EP400: variants seen among roughly 807,000 people sequenced by gnomAD.
EP400 encodes E1A binding protein p400, also known as E1A-binding protein p400.
In EP400, 105 loss-of-function variants were observed where a neutral mutation model predicts 354.1. The observed-to-expected ratio is 0.30, with a 90% CI of 0.25 to 0.35. The LOEUF is 0.35. Ranked by LOEUF, EP400 falls within the 10% of genes least tolerant of loss-of-function variation. The pLI, the probability that EP400 is intolerant of heterozygous loss-of-function variation, is 1.00. For synonymous variants in EP400, 1,646 were observed against 1,716.9 expected (o/e 0.96, Z 1.02); for missense variants, 3,280 against 4,121.0 (o/e 0.80, Z 5.59).
At chr12:132,041,063 G>A (rs1593367354) in intron 32 of EP400, among the ~76,000 whole-genome samples, 1 of 152,316 alleles carries the variant, frequency 6.6e-6, no homozygotes, top group East Asian at 1.9e-4. Flanking sequence ...GTGTGAGGAG[G>A]ATGGCTGCTC....
rs1893572444 is a variant in EP400 at position 132,006,164 on chromosome 12, C to T, written c.2988C>T (p.Ile996=). 1.6e-5 allele frequency: 26 copies of T among 1,614,200 alleles called. No individual in the cohort carries two copies. The highest frequency in any genetic ancestry group is 2.1e-5 in the Non-Finnish European group (25 of 1,180,038). Residue 996 remains isoleucine (I), a synonymous_variant, in exon 14 of 53, where the codon ATC becomes ATT. Transcript: ENST00000389561. ...AGAGTCGCAAGGACTTGGTTCTCAT[C>T]GACTCGCTTTTCATCATGGATCAGT... is the stretch of plus-strand genomic sequence containing the variant. ...DRESRKDLVL[I]DSLFIMDQFK... is the part of the protein sequence containing the mutation.
intron 29 of EP400, chr12:132,031,154 A>G (rs1323284680): frequency 2.1e-6 from 1 of 466,548 alleles, no homozygotes; most frequent in African/African-American, 2.0e-5. Flanking sequence ...GAAGAAAAGT[A>G]TTCAAGTCAT....
intron 41 of EP400, 34 bp from the exon 42 acceptor site, chr12:132,053,112 C>T (rs369304972): frequency 3.9e-5 from 63 of 1,611,130 alleles, no homozygotes; most frequent in Non-Finnish European, 5.2e-5. Flanking sequence ...TAAAACTTGC[C>T]TGTATGTTTT....
In EP400 at chr12:132,028,204, GTT is replaced by G; in HGVS notation, c.5298_5299del (p.Ser1766ArgfsTer10). 1 of 1,614,214 alleles carries G rather than the reference GTT, an allele frequency of 6.2e-7. No individual in the cohort carries two copies. The highest frequency in any genetic ancestry group is 8.5e-7 in the Non-Finnish European group (1 of 1,180,046). ...GGGAAGGAGGCCGGGCCAGCGCACA[GTT>G]ACACTTCATCCTCAGAAAGTCCAAG... On this transcript the variant is annotated frameshift_variant, in exon 27 of 53. Coordinates refer to ENST00000389561, the MANE Select transcript of EP400 (RefSeq NM_015409.5). LOFTEE classifies it high-confidence loss of function.
chr12:132,065,171 C>A (rs1176171381), intron 48 of EP400: 2 of 548,970 alleles, frequency 3.6e-6, no homozygotes, highest in East Asian at 6.4e-5. Context: ...GCGTGGCTTC[C>A]CTGTGCTGCT....
intron 15 of EP400, among the ~76,000 whole-genome samples, chr12:132,009,311 C>T (rs1025229410): frequency 6.6e-6 from 1 of 152,120 alleles, no homozygotes; most frequent in Non-Finnish European, 1.5e-5. Context: ...AGCGTTCATT[C>T]ATCTGCTCCT....
intron 2 of EP400, among the ~76,000 whole-genome samples, chr12:131,969,234 C>T (rs773017637): frequency 6.6e-6 from 1 of 152,106 alleles, no homozygotes; most frequent in Non-Finnish European, 1.5e-5. Flanking sequence ...TTGTCAAATA[C>T]ATCTATTGAC....
intron 1 of EP400, among the ~76,000 whole-genome samples, chr12:131,951,129 G>A (rs1891471547): frequency 6.7e-6 from 1 of 148,442 alleles, no homozygotes; most frequent in Non-Finnish European, 1.5e-5. Flanking sequence ...TGTTGGTCCG[G>A]CTGGTCTGGA....
At chr12:132,008,396 T>A (rs758206192) in intron 15 of EP400, among the ~76,000 whole-genome samples, 1 of 152,248 alleles carries the variant, frequency 6.6e-6, no homozygotes, top group Admixed American at 6.5e-5. Flanking sequence ...ACTTCTGAGC[T>A]TCATATTTTC....
At chr12:132,023,699 A>G in intron 23 of EP400, 78 bp from the exon 24 acceptor site, 1 of 1,477,110 alleles carries the variant, frequency 6.8e-7, no homozygotes, top group Non-Finnish European at 9.3e-7. Context: ...ATTATATACA[A>G]GAAACGACTG....
intron 6 of EP400, among the ~76,000 whole-genome samples, chr12:131,987,467 G>T (rs1892890494): frequency 6.6e-6 from 1 of 152,116 alleles, no homozygotes; most frequent in Non-Finnish European, 1.5e-5. Context: ...CAGGACTATT[G>T]CTCCAGCTTC....
chr12:132,062,494 C>G lies in EP400; in HGVS notation c.8127C>G (p.Thr2709=). The G allele has an allele frequency of 6.2e-7, 1 of 1,613,044 alleles. No individual in the cohort carries two copies. The highest frequency in any genetic ancestry group is 8.5e-7 in the Non-Finnish European group (1 of 1,179,894). The change falls in exon 47 of 53, where the codon ACC becomes ACG. Residue 2709 remains threonine, a synonymous_variant. Transcript: ENST00000389561. ...CAGGAGTTCAGCTCCCTGGAAAAACCATCACACCTGCACATTTCCAGCTTC... is the reference window on the plus strand; with the variant it reads ...CAGGAGTTCAGCTCCCTGGAAAAACGATCACACCTGCACATTTCCAGCTTC... ...QATGVQLPGK[T]ITPAHFQLLR...
Position 132,028,083 on chromosome 12 carries a change from T to C in EP400, c.5176T>C (p.Ser1726Pro), listed in dbSNP as rs2136552546. ...QIYLVNERRC[S>P]QAPVYGRDLL... ...TTATTTAGTCAACGAGCGGCGCTGT[T>C]CTCAAGCTCCAGTCTATGGCAGAGA... Residue 1726 changes from serine to proline, a missense_variant, in exon 27 of 53, where the codon TCT (serine) becomes CCT (proline). Around this residue, in one of 20 missense-constraint regions of EP400, gnomAD observed 459 missense variants for 496.9 expected, o/e 0.92. Coordinates refer to ENST00000389561, the MANE Select transcript of EP400 (RefSeq NM_015409.5). The C allele has an allele frequency of 6.2e-7, 1 of 1,614,190 alleles. No individual in the cohort carries two copies. Among genetic ancestry groups the C allele is most frequent in the Non-Finnish European group, 8.5e-7 (1 of 1,180,036 alleles).
chr12:132,013,410 C>T lies in EP400; in HGVS notation c.3612-80C>T. On this transcript the variant is annotated intron_variant, in intron 17 of 52. Transcript: ENST00000389561. The surrounding 1 kb of genome is among the most constrained non-coding windows in gnomAD (Gnocchi z 4.5). ...GGTGTCAAATTACTGTCCCTTTTCT[C>T]ACACATTGTCAGAGAAGATGCTGCT... The T allele has an allele frequency of 2.0e-6, 3 of 1,489,056 alleles. No individual in the cohort carries two copies. Among genetic ancestry groups the T allele is most frequent in the Non-Finnish European group, 2.7e-6 (3 of 1,111,450 alleles). The allele number at this position is 1,489,056 out of a possible 1,614,324, so 92.2% of individuals were successfully genotyped here. A position where few individuals can be genotyped will look rare whatever the true frequency, so the allele number is the denominator to read the frequency against.
In EP400 at chr12:132,078,082, G is replaced by A. The variant is rs748017821; in HGVS notation, c.*409G>A. On this transcript the variant is annotated 3_prime_UTR_variant, in exon 53 of 53. Transcript: ENST00000389561. Reference sequence around the variant, plus strand: ...ACAATGGACTTTCTAAAGATAAGGCGTGGGCTTCCACAGTGTCTGCCAGAG... The same window carrying A: ...ACAATGGACTTTCTAAAGATAAGGCATGGGCTTCCACAGTGTCTGCCAGAG... The A allele has an allele frequency of 1.1e-5, 2 of 178,946 alleles. No homozygotes were observed. The highest frequency in any genetic ancestry group is 2.4e-5 in the African/African-American group (1 of 42,364). The allele number at this position is 178,946 out of a possible 1,614,324, so 11.1% of individuals were successfully genotyped here. A position where few individuals can be genotyped will look rare whatever the true frequency, so the allele number is the denominator to read the frequency against.
Position 132,023,837 on chromosome 12 carries a change from C to T in EP400, c.4751C>T (p.Ala1584Val). Reference protein sequence around the residue: ...ASITGPQSRVAQPETPVTLQF... With the variant: ...ASITGPQSRVVQPETPVTLQF... Reference sequence around the variant, plus strand: ...ATCACAGGACCACAGAGCCGCGTGGCTCAGCCAGAGACGCCGGTGACACTG... The same window carrying T: ...ATCACAGGACCACAGAGCCGCGTGGTTCAGCCAGAGACGCCGGTGACACTG... Residue 1584 changes from alanine (A) to valine (V), a missense_variant, in exon 24 of 53, where the codon GCT (alanine) becomes GTT (valine). Around this residue, in one of 20 missense-constraint regions of EP400, gnomAD observed 342 missense variants for 342.7 expected, o/e 1.00. Transcript: ENST00000389561. 6.2e-7 allele frequency: 1 copy of T among 1,613,938 alleles called. No individual in the cohort carries two copies. The highest frequency in any genetic ancestry group is 8.5e-7 in the Non-Finnish European group (1 of 1,179,946).
rs1189384914 is a variant in EP400 at position 132,053,519 on chromosome 12, C to T, written c.7650C>T (p.Pro2550=). 1 of 1,544,556 alleles carries T rather than the reference C, an allele frequency of 6.5e-7. No individual in the cohort carries two copies. Among genetic ancestry groups the T allele is most frequent in the Non-Finnish European group, 8.7e-7 (1 of 1,151,634 alleles). The change falls in exon 43 of 53, where the codon CCC becomes CCT. Residue 2550 remains proline (P), a synonymous_variant. Coordinates refer to ENST00000389561, the MANE Select transcript of EP400 (RefSeq NM_015409.5). ...PAVQPQPQPQ[P]QTQPQPVQAP... ...TCCAGCCCCAACCCCAGCCACAGCCCCAGACCCAGCCACAGCCTGTGCAGG... is the reference window on the plus strand; with the variant it reads ...TCCAGCCCCAACCCCAGCCACAGCCTCAGACCCAGCCACAGCCTGTGCAGG...
Position 132,011,777 on chromosome 12 carries a change from G to T in EP400, c.3441+143G>T, listed in dbSNP as rs182328110. 1.1e-4 allele frequency: 129 copies of T among 1,139,874 alleles called. No homozygotes were observed. In the Admixed American group the frequency reaches 3.5e-3, roughly 31 times the overall value. The allele number at this position is 1,139,874 out of a possible 1,614,324, so 70.6% of individuals were successfully genotyped here. On this transcript the variant is annotated intron_variant, in intron 16 of 52. Transcript: ENST00000389561. ...TCATGAGTTAACAGACCTTTATGTT[G>T]TTCCCCTCGAAAGCATAGACAATAC... is the stretch of plus-strand genomic sequence containing the variant.
chr12:132,017,462 T>C lies in EP400; in HGVS notation c.3924-73T>C. 6.6e-7 allele frequency: 1 copy of C among 1,514,954 alleles called. No homozygotes were observed. The highest frequency in any genetic ancestry group is 9.0e-7 in the Non-Finnish European group (1 of 1,111,562). The allele number at this position is 1,514,954 out of a possible 1,614,324, so 93.8% of individuals were successfully genotyped here. A position where few individuals can be genotyped will look rare whatever the true frequency, so the allele number is the denominator to read the frequency against. On this transcript the variant is annotated intron_variant, in intron 19 of 52. Coordinates refer to ENST00000389561, the MANE Select transcript of EP400 (RefSeq NM_015409.5). This position sits in a 1 kb window ranked among gnomAD's most constrained non-coding sequence, Gnocchi z 5.0. ...GCCTGCCTTTCTGGAGTTGGGACAG[T>C]CGATGGTGAGGGTGGGACTATGTCC...
Sources: gnomAD v4.1 joint callset for allele counts (sites outside exome capture counted in the v4.1 genomes callset) on GRCh38, gnomAD v4.1.1 for gene constraint, gnomAD v4.1.1 regional missense constraint, Gnocchi (gnomAD v3.1) non-coding constraint, MANE v1.5 for transcripts, NCBI Gene and HGNC (gene_info 2026-07-23, HGNC 2026-07-21) for gene names.